Variants in LUZP2 observed in about 807,000 individuals in gnomAD.
LUZP2 encodes the protein leucine zipper protein 2.
Under a neutral mutation model 51.6 loss-of-function variants are expected in LUZP2, and 52 were observed. That is an observed-to-expected ratio of 1.01 (90% confidence interval 0.81 to 1.27). The LOEUF (loss-of-function observed/expected upper bound fraction) is 1.27. Ranked by LOEUF, LUZP2 falls within the 50% of genes most tolerant of loss-of-function variation. The pLI is 0.00. For missense variants in LUZP2, 436 were observed against 395.4 expected (o/e 1.10, Z -0.87); for synonymous variants, 154 against 137.3 (o/e 1.12, Z -0.85).
At chr11:24,531,039 T>TTTATTATTATTATTATTA (rs367681666) in intron 1 of LUZP2, among the ~76,000 whole-genome samples, 2,754 of 144,872 alleles carry the variant, frequency 0.019, 66 homozygotes, top group African/African-American at 0.056. Flanking sequence ...TTTAGCCTCT[T>TTTATTATTATTATTATTA]TTATTATTAT....
chr11:24,594,327 T>C (rs1235169169), intron 1 of LUZP2, among the ~76,000 whole-genome samples: 1 of 152,194 alleles, frequency 6.6e-6, no homozygotes, highest in Non-Finnish European at 1.5e-5. Flanking sequence ...GGACAGTAAC[T>C]AATAGTGCTC....
intron 7 of LUZP2, among the ~76,000 whole-genome samples, chr11:24,923,905 T>C (rs537340071): frequency 2.6e-5 from 4 of 152,270 alleles, no homozygotes; most frequent in African/African-American, 9.6e-5. Flanking sequence ...CTCTACTCTG[T>C]GTTTACTTTA....
At chr11:24,644,397 C>A (rs1422964228) in intron 1 of LUZP2, among the ~76,000 whole-genome samples, 1 of 152,106 alleles carries the variant, frequency 6.6e-6, no homozygotes, top group Non-Finnish European at 1.5e-5. Context: ...CTGTTTACAA[C>A]TGCACAATGT....
chr11:24,990,238 G>T (rs754847108), intron 9 of LUZP2, among the ~76,000 whole-genome samples: 2 of 151,770 alleles, frequency 1.3e-5, no homozygotes, highest in Non-Finnish European at 2.9e-5. Flanking sequence ...CTATTGAATG[G>T]GTTATCCTGA....
chr11:24,666,879 G>T (rs1856230994), intron 1 of LUZP2, among the ~76,000 whole-genome samples: 1 of 152,182 alleles, frequency 6.6e-6, no homozygotes, highest in African/African-American at 2.4e-5. Context: ...TGGAAAAGAA[G>T]CAAAGCATGG....
At chr11:24,957,913 C>G (rs1855257444) in intron 7 of LUZP2, among the ~76,000 whole-genome samples, 1 of 152,200 alleles carries the variant, frequency 6.6e-6, no homozygotes, top group Non-Finnish European at 1.5e-5. Flanking sequence ...TCCCCAACCC[C>G]ACAACAGTCC....
Position 24,633,939 on chromosome 11 carries a change from C to CGTGT in LUZP2, c.63-95207_63-95204dup, listed in dbSNP as rs67250902. ...AAATGTATTTTTTTAGTCTAACACACGTGTGTGTGTGTGTGTGTGTGTGTG... is the reference window on the plus strand; with the variant it reads ...AAATGTATTTTTTTAGTCTAACACACGTGTGTGTGTGTGTGTGTGTGTGTGTGTG... On this transcript the variant is annotated intron_variant, in intron 1 of 11. Transcript: ENST00000336930. 3.5e-3 allele frequency among the ~76,000 whole-genome samples: 514 copies of CGTGT among 148,520 alleles called. 1 individual carries two copies. The highest frequency in any genetic ancestry group is 0.011 in the African/African-American group (461 of 40,706).
In LUZP2 at chr11:25,078,746, A is replaced by G; in HGVS notation, c.*88A>G. 9.8e-7 allele frequency: 1 copy of G among 1,021,744 alleles called. No homozygotes were observed. The highest frequency in any genetic ancestry group is 1.4e-6 in the Non-Finnish European group (1 of 690,216). The allele number at this position is 1,021,744 out of a possible 1,614,324, so 63.3% of individuals were successfully genotyped here. A position where few individuals can be genotyped will look rare whatever the true frequency, so the allele number is the denominator to read the frequency against. On this transcript the variant is annotated 3_prime_UTR_variant, in exon 12 of 12. Transcript: ENST00000336930. ...AAGCTTGATGGAAATACTGTTTCTA[A>G]AGCATGCAACTTTTTCACAATTTTA... is the stretch of plus-strand genomic sequence containing the variant.
chr11:25,045,776 T>C (rs10219370), intron 9 of LUZP2, among the ~76,000 whole-genome samples: 3 of 143,122 alleles, frequency 2.1e-5, no homozygotes, highest in Admixed American at 7.1e-5. Flanking sequence ...ATTTTTATGG[T>C]AAAACACTAT....
At chr11:24,703,668 C>CAA (rs35979167) in intron 1 of LUZP2, among the ~76,000 whole-genome samples, 36 of 144,726 alleles carry the variant, frequency 2.5e-4, no homozygotes, top group South Asian at 8.7e-4. Context: ...ACTAAAAATA[C>CAA]AAAAAAAAAA....
intron 10 of LUZP2, among the ~76,000 whole-genome samples, chr11:25,053,205 A>T (rs867480689): frequency 7.2e-5 from 11 of 152,154 alleles, no homozygotes; most frequent in African/African-American, 2.7e-4. Context: ...GAAGTGTAAC[A>T]TGAGCCCCAA....
chr11:24,924,354 A>T (rs989645990), intron 7 of LUZP2, among the ~76,000 whole-genome samples: 5 of 151,864 alleles, frequency 3.3e-5, no homozygotes, highest in Non-Finnish European at 5.9e-5. Context: ...CTGGGATTAC[A>T]GGCGTGAGCC....
intron 1 of LUZP2, among the ~76,000 whole-genome samples, chr11:24,634,150 AT>A: frequency 6.6e-6 from 1 of 152,162 alleles, no homozygotes; most frequent in Admixed American, 6.6e-5. Flanking sequence ...ATGTAAATGA[AT>A]TTTTGTGAGA....
chr11:24,914,482 A>C lies in LUZP2; in HGVS notation c.466A>C (p.Lys156Gln). 2 of 1,608,712 alleles carry C rather than the reference A, an allele frequency of 1.2e-6. No individual in the cohort carries two copies. The highest frequency in any genetic ancestry group is 2.2e-5 in the East Asian group (1 of 44,750). The part of the protein sequence containing the change: ...LCGIHAEESK[K>Q]IQAQLKELRY... ...CCATGTTTTTGCCTTACAGTCAAAA[A>C]AAATCCAAGCCCAGCTGAAGGAGCT... Residue 156 changes from lysine to glutamine, a missense_variant, in exon 7 of 12, where the codon AAA (lysine) becomes CAA (glutamine). Physicochemically the swap from Lys to Gln is moderately conservative, Grantham distance 53 (BLOSUM62 1). Transcript: ENST00000336930.
intron 9 of LUZP2, among the ~76,000 whole-genome samples, chr11:24,988,910 TC>T (rs1181323923): frequency 6.6e-6 from 1 of 151,770 alleles, no homozygotes; most frequent in African/African-American, 2.4e-5. Flanking sequence ...TTGTGTTGTG[TC>T]CTCCAAGAAG....
chr11:25,044,294 C>T (rs28622551), intron 9 of LUZP2, among the ~76,000 whole-genome samples: 44,581 of 125,836 alleles, frequency 0.35, 9,658 homozygotes, highest in East Asian at 0.73. Context: ...TATATATAGT[C>T]TGATGCCCAT....
intron 1 of LUZP2, among the ~76,000 whole-genome samples, chr11:24,554,701 A>ATTAT (rs1554954053): frequency 7.5e-6 from 1 of 133,500 alleles, no homozygotes; most frequent in Non-Finnish European, 1.5e-5. Context: ...TGGTTATTTA[A>ATTAT]TTTTTTTTTT....
chr11:24,955,169 CTA>C (rs1341707413), intron 7 of LUZP2, among the ~76,000 whole-genome samples: 3 of 151,842 alleles, frequency 2.0e-5, no homozygotes, highest in African/African-American at 7.3e-5. Flanking sequence ...TGTTGTCTCA[CTA>C]TTTGAAAGAC....
At chr11:24,998,295 T>C (rs1278436760) in intron 9 of LUZP2, among the ~76,000 whole-genome samples, 2 of 152,192 alleles carry the variant, frequency 1.3e-5, no homozygotes, top group East Asian at 3.9e-4. Context: ...TTTTATTTCA[T>C]TGAGCAGTGG....
Sources: allele counts gnomAD v4.1 joint callset (sites outside exome capture counted in the v4.1 genomes callset), GRCh38; gene constraint gnomAD v4.1.1; transcripts MANE v1.5; gene names NCBI Gene and HGNC (gene_info 2026-07-23, HGNC 2026-07-21).